The following CAMTA1 variants were observed in gnomAD, a reference collection of about 807,000 sequenced individuals.
CAMTA1 encodes calmodulin binding transcription activator 1.
Under a neutral mutation model 170.9 loss-of-function variants are expected in CAMTA1, and 27 were observed. The observed-to-expected ratio is 0.16, with a 90% confidence interval of 0.12 to 0.22. The LOEUF (loss-of-function observed/expected upper bound fraction) is 0.22. Ranked by LOEUF, CAMTA1 falls within the 10% of genes least tolerant of loss-of-function variation. The pLI, the probability that CAMTA1 is intolerant of heterozygous loss-of-function variation, is 1.00. For synonymous variants in CAMTA1, 833 were observed against 891.5 expected, an observed-to-expected ratio of 0.93 and a Z score of 1.17; for missense variants, 1,619 against 2,217.2, an observed-to-expected ratio of 0.73 and a Z score of 5.42.
At chr1:7,548,006 G>A (rs1397086194) in intron 6 of CAMTA1, among the ~76,000 whole-genome samples, 1 of 152,208 alleles carries the variant, frequency 6.6e-6, no homozygotes, top group Non-Finnish European at 1.5e-5. Flanking sequence ...AGAGGGACAG[G>A]AAGGGTTCCT....
At chr1:7,520,098 G>A (rs1435898355) in intron 6 of CAMTA1, among the ~76,000 whole-genome samples, 1 of 146,696 alleles carries the variant, frequency 6.8e-6, no homozygotes, top group Non-Finnish European at 1.5e-5. Context: ...CAGTCCACCA[G>A]CCCCCCAACT....
intron 5 of CAMTA1, among the ~76,000 whole-genome samples, chr1:7,419,409 G>A (rs868336740): frequency 1.3e-5 from 2 of 152,026 alleles, no homozygotes; most frequent in East Asian, 1.9e-4. Flanking sequence ...TGCCCACCTC[G>A]GCCTCCCAAA....
chr1:7,596,832 G>C (rs1002218659), intron 6 of CAMTA1, among the ~76,000 whole-genome samples: 1 of 152,148 alleles, frequency 6.6e-6, no homozygotes, highest in African/African-American at 2.4e-5. Context: ...ACATGGCTTT[G>C]TAGATTTCAT....
chr1:7,763,754 T>C (rs1424351782), intron 22 of CAMTA1, among the ~76,000 whole-genome samples: 1 of 152,248 alleles, frequency 6.6e-6, no homozygotes. Flanking sequence ...AACTTAATAT[T>C]TCTAAAGCAT....
intron 6 of CAMTA1, among the ~76,000 whole-genome samples, chr1:7,485,662 C>T (rs1214860226): frequency 6.6e-6 from 1 of 152,216 alleles, no homozygotes; most frequent in Non-Finnish European, 1.5e-5. Context: ...GTCACAATGA[C>T]TCTGCCCCTT....
intron 3 of CAMTA1, among the ~76,000 whole-genome samples, chr1:6,890,014 C>A (rs1674170368): frequency 6.6e-6 from 1 of 152,136 alleles, no homozygotes; most frequent in Non-Finnish European, 1.5e-5. Context: ...ATTCAACATT[C>A]CTGCAGTTTG....
chr1:7,118,563 G>A (rs1278468660), intron 4 of CAMTA1, among the ~76,000 whole-genome samples: 1 of 151,928 alleles, frequency 6.6e-6, no homozygotes, highest in Non-Finnish European at 1.5e-5. Context: ...CCATTCTGAC[G>A]CACAGCAGAG....
At chr1:6,786,098 G>C (rs953958417) in intron 1 of CAMTA1, among the ~76,000 whole-genome samples, 2 of 151,818 alleles carry the variant, frequency 1.3e-5, no homozygotes, top group Non-Finnish European at 2.9e-5. Context: ...CCTGCTCTCC[G>C]GCGGGCAGGG....
intron 5 of CAMTA1, among the ~76,000 whole-genome samples, chr1:7,401,340 A>G (rs2089890772): frequency 6.6e-6 from 1 of 152,194 alleles, no homozygotes; most frequent in Non-Finnish European, 1.5e-5. Context: ...TTCTGTTTCT[A>G]GACTAGTTCA....
chr1:7,744,128 CTTTTTTT>C (rs60348958), intron 16 of CAMTA1, among the ~76,000 whole-genome samples: 2 of 84,268 alleles, frequency 2.4e-5, no homozygotes, highest in African/African-American at 4.8e-5. Context: ...CGCCTGGCCT[CTTTTTTT>C]TTTTTTTTTT....
rs2096947270 is a variant in CAMTA1, at chr1:7,758,369, C to T, written c.4989+2701C>T. 3.9e-5 allele frequency among the ~76,000 whole-genome samples: 6 copies of T among 152,208 alleles called. 1 individual carries two copies. In the South Asian group the frequency reaches 1.2e-3, roughly 31 times the overall value. ...TGCATGGAAAGTTGGAATCTCATGA[C>T]ACCCCTTATGCCTCACGACATCTAT... is the stretch of plus-strand genomic sequence containing the variant. On this transcript the variant is annotated intron_variant, in intron 22 of 22. Transcript: ENST00000303635.
intron 5 of CAMTA1, among the ~76,000 whole-genome samples, chr1:7,399,224 A>G (rs944465553): frequency 2.0e-5 from 3 of 152,144 alleles, no homozygotes; most frequent in East Asian, 1.9e-4. Context: ...GAGTTCCCCC[A>G]AGAGCTCATT....
intron 3 of CAMTA1, among the ~76,000 whole-genome samples, chr1:6,940,563 C>T (rs903281746): frequency 6.6e-6 from 1 of 152,320 alleles, no homozygotes; most frequent in Non-Finnish European, 1.5e-5. Flanking sequence ...GTCAAGCTGA[C>T]ACCTAAAATG....
rs555288720 is a variant in CAMTA1 at position 7,119,448 on chromosome 1, G to A, written c.302+28077G>A. 2.6e-5 allele frequency among the ~76,000 whole-genome samples: 4 copies of A among 152,320 alleles called. No individual in the cohort carries two copies. The East Asian group carries it at 7.7e-4, about 29-fold the overall frequency. ...ACTAATATAATCCCTGGAAAGGACA[G>A]CAGTGAACAGCGGGGGGCATCATTT... is the stretch of plus-strand genomic sequence containing the variant. On this transcript the variant is annotated intron_variant, in intron 4 of 22. Coordinates refer to ENST00000303635, the MANE Select transcript of CAMTA1 (RefSeq NM_015215.4).
chr1:6,787,856 G>C (rs553523784), intron 1 of CAMTA1, among the ~76,000 whole-genome samples: 124 of 152,292 alleles, frequency 8.1e-4, no homozygotes, highest in Non-Finnish European at 1.6e-3. Flanking sequence ...AAAAGTTCTT[G>C]ATTTCTTTAC....
At chr1:7,238,761 T>C (rs537274742) in intron 4 of CAMTA1, among the ~76,000 whole-genome samples, 2 of 152,346 alleles carry the variant, frequency 1.3e-5, no homozygotes, top group Middle Eastern at 3.4e-3. Flanking sequence ...CATGTACCTG[T>C]AATCCCAGCT....
At chr1:7,675,114 T>G (rs2096102972) in intron 10 of CAMTA1, among the ~76,000 whole-genome samples, 1 of 152,136 alleles carries the variant, frequency 6.6e-6, no homozygotes, top group South Asian at 2.1e-4. Context: ...GGGACCTGGA[T>G]GATGGGATGG....
At position 7,766,849 on chromosome 1, in the gene CAMTA1, C is replaced by T. The variant is rs192154616; in HGVS notation, c.*358C>T. 3.9e-5 allele frequency: 9 copies of T among 228,170 alleles called. No individual in the cohort carries two copies. In the East Asian group the frequency reaches 7.2e-4, roughly 18 times the overall value. The allele number at this position is 228,170 out of a possible 1,614,324, so 14.1% of individuals were successfully genotyped here. A position where few individuals can be genotyped will look rare whatever the true frequency, so the allele number is the denominator to read the frequency against. On this transcript the variant is annotated 3_prime_UTR_variant, in exon 23 of 23. Transcript: ENST00000303635. ...CTCATATAGGGCTGTATTCAAACAT[C>T]GTGTGGAACTGTACAAATATTTATA...
chr1:7,218,777 A>G (rs12084272), intron 4 of CAMTA1, among the ~76,000 whole-genome samples: 6,907 of 152,206 alleles, frequency 0.045, 535 homozygotes, highest in African/African-American at 0.15. Flanking sequence ...TGCTCTTTAT[A>G]AAAGTTCTGG....
Sources: allele counts gnomAD v4.1 joint callset (sites outside exome capture counted in the v4.1 genomes callset), GRCh38; gene constraint gnomAD v4.1.1; transcripts MANE v1.5; gene names NCBI Gene and HGNC (gene_info 2026-07-23, HGNC 2026-07-21).